Variants in MDC1 observed in about 807,000 individuals in gnomAD.
MDC1 encodes mediator of DNA damage checkpoint 1, also known as mediator of DNA damage checkpoint protein 1.
MDC1 carries 81 observed loss-of-function variants against 142.5 expected under a neutral mutation model. That is an observed-to-expected ratio of 0.57 (90% CI 0.47 to 0.68). The LOEUF is 0.68. Among genes scored for constraint, MDC1 ranks in the 30% least tolerant of loss-of-function variants. The pLI, the probability that MDC1 is intolerant of heterozygous loss-of-function variation, is 0.00. For missense variants in MDC1, 2,119 were observed against 2,547.9 expected (o/e 0.83, Z 3.62); for synonymous variants, 797 against 968.4 (o/e 0.82, Z 3.29).
At position 30,715,278 on chromosome 6, in the gene MDC1, G is replaced by T; in HGVS notation, c.-3-100C>A. The T allele has an allele frequency of 8.3e-7, 1 of 1,205,488 alleles. No individual in the cohort carries two copies. 74.7% of individuals were successfully genotyped at this position (1,205,488 alleles called of 1,614,324 possible). On this transcript the variant is annotated intron_variant, in intron 1 of 14. Coordinates refer to ENST00000376406, the MANE Select transcript of MDC1 (RefSeq NM_014641.3). This position sits in a 1 kb window ranked among gnomAD's most constrained non-coding sequence, Gnocchi z 4.1. ...ACTAGGGGGTAAACTGGATCATTAT[G>T]AACGTTGATGCTTCTCTTTCCACCA... is the stretch of plus-strand genomic sequence containing the variant.
chr6:30,703,499 GTCTC>G lies in MDC1; in HGVS notation c.5597_5600del (p.Arg1866ThrfsTer104). 1 of 1,613,684 alleles carries G rather than the reference GTCTC, an allele frequency of 6.2e-7. No homozygotes were observed. Among genetic ancestry groups the G allele is most frequent in the Non-Finnish European group, 8.5e-7 (1 of 1,180,008 alleles). ...TTCTGTTGGGCTCCTCCTCTGCCTG[GTCTC>G]TCTTTCTCTTGCCTGGTTTTGGAGT... On this transcript the variant is annotated frameshift_variant, in exon 11 of 15. Coordinates refer to ENST00000376406, the MANE Select transcript of MDC1 (RefSeq NM_014641.3). LOFTEE classifies it high-confidence loss of function. This position sits in a 1 kb window ranked among gnomAD's most constrained non-coding sequence, Gnocchi z 4.4.
chr6:30,714,358 A>G (rs981320854), intron 2 of MDC1, among the ~76,000 whole-genome samples, 175 bp from the exon 3 acceptor site: 8 of 152,174 alleles, frequency 5.3e-5, no homozygotes, highest in African/African-American at 1.4e-4. Context: ...ATCCATCCAC[A>G]ATGGATGTTT....
At chr6:30,707,259 G>A (rs564929291) in intron 9 of MDC1, 125 bp downstream of exon 9, 273 of 1,027,300 alleles carry the variant, frequency 2.7e-4, no homozygotes, top group Non-Finnish European at 3.8e-4. Flanking sequence ...CAATCAAGGC[G>A]TGACAAAAAT....
intron 9 of MDC1, among the ~76,000 whole-genome samples, chr6:30,706,620 TA>T (rs9278748): frequency 0.55 from 23,525 of 42,742 alleles, 6,169 homozygotes; most frequent in East Asian, 0.7. Context: ...AGACTCTGTC[TA>T]AAAAAAAAAA....
At position 30,703,049 on chromosome 6, in the gene MDC1, CTA is replaced by C; in HGVS notation, c.5865+53_5865+54del. On this transcript the variant is annotated intron_variant, in intron 12 of 14. Transcript: ENST00000376406. This position sits in a 1 kb window ranked among gnomAD's most constrained non-coding sequence, Gnocchi z 4.4. ...TTCCCTTCCACCACTTTCTAGGGCACTATATGAGCAGTCTTGCCACTATATCG... is the reference window on the plus strand; with the variant it reads ...TTCCCTTCCACCACTTTCTAGGGCACTATGAGCAGTCTTGCCACTATATCG... The C allele has an allele frequency of 6.9e-6, 11 of 1,589,096 alleles. No homozygotes were observed. The South Asian group carries it at 1.1e-4, about 16-fold the overall frequency.
At chr6:30,702,997 A>G (rs1773028745) in intron 12 of MDC1, 107 bp downstream of exon 12, 2 of 1,579,102 alleles carry the variant, frequency 1.3e-6, no homozygotes, top group Non-Finnish European at 1.7e-6. Context: ...CTGGCTCACC[A>G]ATGCCCCTGT....
rs1449654000 is a variant in MDC1 at position 30,704,948 on chromosome 6, G to C, written c.4235C>G (p.Pro1412Arg). 6.2e-7 allele frequency: 1 copy of C among 1,606,780 alleles called. No individual in the cohort carries two copies. Among genetic ancestry groups the C allele is most frequent in the Non-Finnish European group, 8.5e-7 (1 of 1,176,708 alleles). ...KTPETLVPTA[P>R]KLEPSTSTDQ... is the part of the protein sequence containing the mutation. ...TGTGGAAGTGGAAGGCTCGAGCTTAGGGGCTGTGGGGACAAGTGTTTCAGG... is the reference window on the plus strand; with the variant it reads ...TGTGGAAGTGGAAGGCTCGAGCTTACGGGCTGTGGGGACAAGTGTTTCAGG... Residue 1412 changes from proline to arginine, a missense_variant, in exon 10 of 15, where the codon CCT becomes CGT. Physicochemically the swap from Pro to Arg is moderately radical, Grantham distance 103. Coordinates refer to ENST00000376406, the MANE Select transcript of MDC1 (RefSeq NM_014641.3).
Position 30,703,553 on chromosome 6 carries a change from A to G in MDC1, c.5563-16T>C, listed in dbSNP as rs772093011. 1 of 1,612,824 alleles carries G rather than the reference A, an allele frequency of 6.2e-7. No homozygotes were observed. ...TCACGACATCCTGAGATTGAGAAAAATCTTGGTGGGAGTTTCAGAGCCCTG... is the reference window on the plus strand; with the variant it reads ...TCACGACATCCTGAGATTGAGAAAAGTCTTGGTGGGAGTTTCAGAGCCCTG... On this transcript the variant is annotated splice_polypyrimidine_tract_variant and intron_variant, in intron 10 of 14. Transcript: ENST00000376406. The surrounding 1 kb of genome is among the most constrained non-coding windows in gnomAD (Gnocchi z 4.4).
In MDC1 at chr6:30,700,451, G is replaced by A. The variant is rs192077052; in HGVS notation, c.*14C>T. 8.0e-5 allele frequency: 128 copies of A among 1,608,110 alleles called. No homozygotes were observed. The highest frequency in any genetic ancestry group is 1.2e-5 in the Non-Finnish European group (14 of 1,176,084). ...CTAATTCGTGGTCTGGGAGGGAAAA[G>A]GGTAGTGGAGTTCTCAGGTGGATGA... On this transcript the variant is annotated 3_prime_UTR_variant, in exon 15 of 15. Coordinates refer to ENST00000376406, the MANE Select transcript of MDC1 (RefSeq NM_014641.3).
chr6:30,700,791 G>A (rs945398850), intron 14 of MDC1, among the ~76,000 whole-genome samples, 159 bp from the exon 15 acceptor site: 1 of 151,606 alleles, frequency 6.6e-6, no homozygotes, highest in African/African-American at 2.4e-5. Context: ...TTGCTAGGCC[G>A]GGCGCAGTGG....
chr6:30,699,815 A>G lies in MDC1; in HGVS notation c.*650T>C, dbSNP rs1459296978. 4.7e-6 allele frequency: 1 copy of G among 213,606 alleles called. No homozygotes were observed. Among genetic ancestry groups the G allele is most frequent in the Non-Finnish European group, 9.4e-6 (1 of 105,852 alleles). 13.2% of individuals were successfully genotyped at this position (213,606 alleles called of 1,614,324 possible). A position where few individuals can be genotyped will look rare whatever the true frequency, so the allele number is the denominator to read the frequency against. On this transcript the variant is annotated 3_prime_UTR_variant, in exon 15 of 15. Transcript: ENST00000376406. The stretch of plus-strand genomic sequence containing the variant: ...AAAACTACACTACACCATAAGGCAC[A>G]GAGTGAATATTTATTTATCACAGAG...
rs544194401 is a variant in MDC1 at position 30,707,763 on chromosome 6, T to C, written c.2816A>G (p.Lys939Arg). The change falls in exon 8 of 15, where the codon AAA becomes AGA. Residue 939 changes from lysine (K) to arginine (R), a missense_variant. Transcript: ENST00000376406. ...CTGTGTATCTCTCTCCAGGATCACT[T>C]TGGGCACCTTCTCTTCTAACTCGGC... The part of the protein sequence containing the change: ...DPAELEEKVP[K>R]VILERDTQRG... 23 of 1,613,092 alleles carry C rather than the reference T, an allele frequency of 1.4e-5. No homozygotes were observed. The East Asian group carries it at 2.9e-4, about 20-fold the overall frequency.
chr6:30,711,312 A>C, intron 7 of MDC1, 100 bp downstream of exon 7: 1 of 1,064,718 alleles, frequency 9.4e-7, no homozygotes, highest in South Asian at 1.3e-5. Flanking sequence ...CGGAGGTTAC[A>C]GTGAGCCGAG....
chr6:30,714,416 A>G (rs183247795), intron 2 of MDC1, among the ~76,000 whole-genome samples: 14 of 152,290 alleles, frequency 9.2e-5, no homozygotes, highest in Admixed American at 8.5e-4. Context: ...CACCTTAATA[A>G]TTTTAAGTGT....
rs769306004 is a variant in MDC1 at position 30,712,233 on chromosome 6, G to C, written c.1709C>G (p.Ala570Gly). 1.1e-5 allele frequency: 17 copies of C among 1,612,804 alleles called. No homozygotes were observed. Among genetic ancestry groups the C allele is most frequent in the Non-Finnish European group, 1.1e-5 (13 of 1,179,972 alleles). The change falls in exon 5 of 15, where the codon GCC (alanine) becomes GGC (glycine). Residue 570 changes from alanine (A) to glycine (G), a missense_variant. Coordinates refer to ENST00000376406, the MANE Select transcript of MDC1 (RefSeq NM_014641.3). This position sits in a 1 kb window ranked among gnomAD's most constrained non-coding sequence, Gnocchi z 4.7. ...AKLLVVSLEE[A>G]WPLHGDCETD... is the part of the protein sequence containing the mutation. ...TTCACAGTCCCCATGCAGAGGCCAG[G>C]CTTCCTCTAGAGATACCACAAGCAG... is the stretch of plus-strand genomic sequence containing the variant.
chr6:30,711,733 G>C lies in MDC1; in HGVS notation c.2069-7C>G, dbSNP rs17189329. The C allele has an allele frequency of 6.2e-7, 1 of 1,612,106 alleles. No individual in the cohort carries two copies. Among genetic ancestry groups the C allele is most frequent in the Non-Finnish European group, 8.5e-7 (1 of 1,179,626 alleles). On this transcript the variant is annotated splice_polypyrimidine_tract_variant and splice_region_variant and intron_variant, in intron 5 of 14. Coordinates refer to ENST00000376406, the MANE Select transcript of MDC1 (RefSeq NM_014641.3). Reference sequence around the variant, plus strand: ...AGGTCCAGATCTTCAGAATCTGGTCGGGGAGGAATATAAGACAGTTTAAAA... The same window carrying C: ...AGGTCCAGATCTTCAGAATCTGGTCCGGGAGGAATATAAGACAGTTTAAAA...
chr6:30,703,745 C>T lies in MDC1; in HGVS notation c.5438G>A (p.Arg1813Lys). The change falls in exon 10 of 15, where the codon AGG becomes AAG. Residue 1813 changes from arginine to lysine, a missense_variant. By Grantham distance (26) the Arg-to-Lys change is conservative. Transcript: ENST00000376406. This position sits in a 1 kb window ranked among gnomAD's most constrained non-coding sequence, Gnocchi z 4.4. ...TGGTGAATCCATGGTAGCTAAAGAC[C>T]TCTTGCGGCTTTGAGAGGCCTTAGG... The part of the protein sequence containing the change: ...LQPKASQSRK[R>K]SLATMDSPPH... 2 of 1,546,596 alleles carry T rather than the reference C, an allele frequency of 1.3e-6. No individual in the cohort carries two copies. The highest frequency in any genetic ancestry group is 1.7e-6 in the Non-Finnish European group (2 of 1,150,746).
At chr6:30,714,513 ATT>A (rs201352106) in intron 2 of MDC1, among the ~76,000 whole-genome samples, 17 of 141,486 alleles carry the variant, frequency 1.2e-4, no homozygotes, top group East Asian at 2.0e-4. Flanking sequence ...ATTTTATTTG[ATT>A]TTTTTTTTTT....
rs747518551 is a variant in MDC1 at position 30,702,629 on chromosome 6, G to A, written c.6026C>T (p.Pro2009Leu). ...AATCTCTCCCATCTGAGGTGGTGGT[G>A]GCTGGACTCCAGGGGTCACATAGAT... ...YEIYVTPGVQ[P>L]PPPQMGEIIS... Residue 2009 changes from proline to leucine, a missense_variant, in exon 14 of 15, where the codon CCA becomes CTA. Transcript: ENST00000376406. 6.2e-6 allele frequency: 10 copies of A among 1,611,518 alleles called. No individual in the cohort carries two copies. The highest frequency in any genetic ancestry group is 1.1e-5 in the South Asian group (1 of 90,882).
Sources: allele counts gnomAD v4.1 joint callset (sites outside exome capture counted in the v4.1 genomes callset), GRCh38; gene constraint gnomAD v4.1.1; non-coding constraint Gnocchi (gnomAD v3.1); transcripts MANE v1.5; gene names NCBI Gene and HGNC (gene_info 2026-07-23, HGNC 2026-07-21).